RASAL2: variants seen among roughly 807,000 people sequenced by gnomAD.
RASAL2 encodes the protein ras GTPase-activating protein nGAP.
Under a neutral mutation model 128.9 loss-of-function variants are expected in RASAL2, and 58 were observed. The observed-to-expected ratio is 0.45, with a 90% CI of 0.36 to 0.56. RASAL2 has a LOEUF of 0.56. Ranked by LOEUF, RASAL2 falls within the 20% of genes least tolerant of loss-of-function variation. The pLI is 0.00. For missense variants in RASAL2, 1,360 were observed against 1,601.6 expected, an observed-to-expected ratio of 0.85 and a Z score of 2.57; for synonymous variants, 561 against 580.8, an observed-to-expected ratio of 0.97 and a Z score of 0.49.
At chr1:178,186,604 C>G (rs1558102960) in intron 1 of RASAL2, among the ~76,000 whole-genome samples, 1 of 152,050 alleles carries the variant, frequency 6.6e-6, no homozygotes, top group East Asian at 1.9e-4. Flanking sequence ...AGTCAGCAGT[C>G]ATTCTCCTAT....
At chr1:178,205,893 A>G (rs1036931848) in intron 1 of RASAL2, among the ~76,000 whole-genome samples, 18 of 152,164 alleles carry the variant, frequency 1.2e-4, no homozygotes, top group Non-Finnish European at 2.2e-4. Flanking sequence ...TGAAATTACA[A>G]ATTTCCTAGC....
At chr1:178,276,393 G>A (rs1237699928) in intron 1 of RASAL2, among the ~76,000 whole-genome samples, 7 of 152,174 alleles carry the variant, frequency 4.6e-5, no homozygotes, top group Non-Finnish European at 8.8e-5. Context: ...GAATGAAAGA[G>A]AGTGACTTAG....
intron 3 of RASAL2, among the ~76,000 whole-genome samples, chr1:178,372,508 C>T (rs1671774038): frequency 6.6e-6 from 1 of 152,174 alleles, no homozygotes. Context: ...GCCACCAACA[C>T]TAGCTATGAG....
chr1:178,463,256 A>ACT (rs3838462), intron 14 of RASAL2, among the ~76,000 whole-genome samples: 3,518 of 151,738 alleles, frequency 0.023, 61 homozygotes, highest in Middle Eastern at 0.058. Flanking sequence ...TCTTTAGCTT[A>ACT]CTCTCTCTCT....
rs764907368 is a variant in RASAL2, at chr1:178,458,010, C to T, written c.2718C>T (p.Pro906=). The stretch of plus-strand genomic sequence containing the variant: ...AAAGTGCACCCCAAGTGAGAAGGCC[C>T]CTGCACCCAGCCTTGAACCAGCCAG... ...TPQSAPQVRR[P]LHPALNQPGG... Residue 906 remains proline (P), a synonymous_variant, in exon 14 of 18, where the codon CCC becomes CCT. Coordinates refer to ENST00000367649, the MANE Select transcript of RASAL2 (RefSeq NM_170692.4). The T allele has an allele frequency of 2.5e-6, 4 of 1,613,986 alleles. No individual in the cohort carries two copies. Among genetic ancestry groups the T allele is most frequent in the Admixed American group, 3.3e-5 (2 of 60,002 alleles).
intron 5 of RASAL2, among the ~76,000 whole-genome samples, chr1:178,422,202 C>G (rs1675195643): frequency 6.6e-6 from 1 of 151,902 alleles, no homozygotes; most frequent in African/African-American, 2.4e-5. Flanking sequence ...AGGGCTCTCT[C>G]CTATTCCATT....
chr1:178,420,600 C>G lies in RASAL2; in HGVS notation c.654C>G (p.Ser218=), dbSNP rs765497791. Residue 218 remains serine, a synonymous_variant, in exon 5 of 18, where the codon TCC becomes TCG. Coordinates refer to ENST00000367649, the MANE Select transcript of RASAL2 (RefSeq NM_170692.4). ...GAAACACGAGCTTTCGGCTTCCATC[C>G]CTTCGCAGTACAGATGACAGGTAGG... ...LDRNTSFRLP[S]LRSTDDRSRG... 1.6e-5 allele frequency: 26 copies of G among 1,609,860 alleles called. 1 individual carries two copies. The highest frequency in any genetic ancestry group is 2.2e-5 in the Non-Finnish European group (26 of 1,177,010).
intron 9 of RASAL2, among the ~76,000 whole-genome samples, chr1:178,447,943 G>T (rs1557998056): frequency 1.3e-5 from 2 of 152,026 alleles, no homozygotes; most frequent in Non-Finnish European, 2.9e-5. Flanking sequence ...GTGAAACAGT[G>T]GAAATTACAT....
At chr1:178,260,225 C>A (rs1016087012) in intron 1 of RASAL2, among the ~76,000 whole-genome samples, 1 of 148,760 alleles carries the variant, frequency 6.7e-6, no homozygotes, top group African/African-American at 2.5e-5. Context: ...TGGTGGCTGG[C>A]GCCTGTAATC....
At chr1:178,116,543 T>TA (rs1403256294) in intron 1 of RASAL2, among the ~76,000 whole-genome samples, 1 of 151,992 alleles carries the variant, frequency 6.6e-6, no homozygotes, top group Non-Finnish European at 1.5e-5. Flanking sequence ...TTTTTTTTTT[T>TA]AAAGGAGGAA....
intron 1 of RASAL2, among the ~76,000 whole-genome samples, chr1:178,121,614 T>C (rs191622960): frequency 6.6e-6 from 1 of 152,028 alleles, no homozygotes; most frequent in African/African-American, 2.4e-5. Flanking sequence ...GCCTCCTGAG[T>C]AGCTGGGATT....
At chr1:178,251,288 C>T (rs889771791) in intron 1 of RASAL2, among the ~76,000 whole-genome samples, 3 of 152,196 alleles carry the variant, frequency 2.0e-5, no homozygotes, top group Non-Finnish European at 4.4e-5. Flanking sequence ...TAACTTTGTT[C>T]TCTCCATTGA....
At chr1:178,204,489 G>A (rs1252059128) in intron 1 of RASAL2, among the ~76,000 whole-genome samples, 4 of 152,232 alleles carry the variant, frequency 2.6e-5, no homozygotes, top group African/African-American at 9.6e-5. Flanking sequence ...AGGATACATA[G>A]TATGCCATAC....
chr1:178,315,156 A>G lies in RASAL2; in HGVS notation c.457+15038A>G, dbSNP rs1415890998. ...ATGGCTGCATAGTATTCCATGGTGT[A>G]TATGTGCCACATTTTCTTAATCCAG... On this transcript the variant is annotated intron_variant, in intron 3 of 17. Coordinates refer to ENST00000367649, the MANE Select transcript of RASAL2 (RefSeq NM_170692.4). Among the ~76,000 whole-genome samples the G allele has an allele frequency of 2.8e-5, 4 of 141,368 alleles. No individual in the cohort carries two copies. In the Admixed American group the frequency reaches 2.8e-4, roughly 10 times the overall value. The allele number at this position is 141,368 out of a possible 152,430, so 92.7% of individuals were successfully genotyped here. A position where few individuals can be genotyped will look rare whatever the true frequency, so the allele number is the denominator to read the frequency against.
chr1:178,419,115 A>G (rs1302359253), intron 4 of RASAL2, among the ~76,000 whole-genome samples: 1 of 152,206 alleles, frequency 6.6e-6, no homozygotes, highest in African/African-American at 2.4e-5. Context: ...AAAAGATTTG[A>G]TGTGCTAATA....
At chr1:178,265,610 T>C (rs148205872) in intron 1 of RASAL2, among the ~76,000 whole-genome samples, 1 of 152,338 alleles carries the variant, frequency 6.6e-6, no homozygotes, top group East Asian at 1.9e-4. Flanking sequence ...GTCCAGTCTT[T>C]TTCAAGTAAA....
chr1:178,262,457 G>C (rs929928411), intron 1 of RASAL2, among the ~76,000 whole-genome samples: 1 of 152,124 alleles, frequency 6.6e-6, no homozygotes, highest in Admixed American at 6.5e-5. Context: ...GTTTTCTCAG[G>C]CTTTAATTTT....
intron 1 of RASAL2, among the ~76,000 whole-genome samples, chr1:178,109,145 C>G (rs1400333220): frequency 6.6e-6 from 1 of 152,166 alleles, no homozygotes; most frequent in African/African-American, 2.4e-5. Flanking sequence ...TGGCTCTCTA[C>G]TTTAATATTA....
At chr1:178,417,136 C>T (rs535349574) in intron 4 of RASAL2, among the ~76,000 whole-genome samples, 26 of 152,088 alleles carry the variant, frequency 1.7e-4, no homozygotes, top group Admixed American at 9.8e-4. Context: ...TCCCATTACA[C>T]GTTACGCCTT....
Sources: allele counts gnomAD v4.1 joint callset (sites outside exome capture counted in the v4.1 genomes callset), GRCh38; gene constraint gnomAD v4.1.1; transcripts MANE v1.5; gene names NCBI Gene and HGNC (gene_info 2026-07-23, HGNC 2026-07-21).